The following RBM34 variants were observed in gnomAD, a reference collection of about 807,000 sequenced individuals.
The protein encoded by RBM34 is RNA binding motif protein 34, also known as RNA-binding protein 34.
Under a neutral mutation model 44.6 loss-of-function variants are expected in RBM34, and 39 were observed. The observed-to-expected ratio is 0.87, with a 90% CI of 0.68 to 1.14. The LOEUF (loss-of-function observed/expected upper bound fraction) is 1.14. Among genes scored for constraint, RBM34 ranks in the 50% most tolerant of loss-of-function variants. The pLI is 0.00. For synonymous variants in RBM34, 194 were observed against 184.0 expected (o/e 1.05, Z -0.44); for missense variants, 572 against 517.9 (o/e 1.10, Z -1.01).
intron 6 of RBM34, among the ~76,000 whole-genome samples, chr1:235,139,845 G>A (rs1661599705): frequency 1.3e-5 from 2 of 152,202 alleles, no homozygotes; most frequent in Non-Finnish European, 2.9e-5. Context: ...GCCGAGCACA[G>A]GGGCAAAATG....
chr1:235,159,093 G>A (rs974349732), intron 3 of RBM34, among the ~76,000 whole-genome samples: 2 of 151,688 alleles, frequency 1.3e-5, no homozygotes, highest in African/African-American at 2.4e-5. Context: ...CATGCCTATA[G>A]TCTAAGCAAC....
chr1:235,148,062 A>G (rs1419151493), intron 6 of RBM34, among the ~76,000 whole-genome samples: 1 of 152,150 alleles, frequency 6.6e-6, no homozygotes, highest in Non-Finnish European at 1.5e-5. Context: ...ACAAGCAAAC[A>G]TGAATTCTCT....
chr1:235,149,221 T>C (rs1478949052), intron 5 of RBM34, among the ~76,000 whole-genome samples: 1 of 151,664 alleles, frequency 6.6e-6, no homozygotes, highest in Non-Finnish European at 1.5e-5. Flanking sequence ...ACCCCATCTC[T>C]ACTAGAAATA....
chr1:235,160,561 T>C lies in RBM34; in HGVS notation c.315A>G (p.Lys105=). ...TAGTGTGTTTCTTCTTCGCTTTCAC[T>C]TTTTTGGCAGGTTCTTGCGAAAGTG... ...ERPLSQEPAK[K]VKAKKKHTNA... Residue 105 remains lysine, a synonymous_variant, in exon 3 of 11, where the codon AAA becomes AAG. Transcript: ENST00000408888. 1 of 1,614,058 alleles carries C rather than the reference T, an allele frequency of 6.2e-7. No individual in the cohort carries two copies. Among genetic ancestry groups the C allele is most frequent in the African/African-American group, 1.3e-5 (1 of 75,064 alleles).
At chr1:235,160,467 T>C (rs192613466) in intron 3 of RBM34, 44 bp downstream of exon 3, 6 of 1,565,404 alleles carry the variant, frequency 3.8e-6, no homozygotes, top group South Asian at 1.1e-5. Context: ...AATGTTAATT[T>C]ACCATCTAAT....
At position 235,137,909 on chromosome 1, in the gene RBM34, T is replaced by C; in HGVS notation, c.817A>G (p.Ile273Val). 6.2e-7 allele frequency: 1 copy of C among 1,604,844 alleles called. No individual in the cohort carries two copies. The highest frequency in any genetic ancestry group is 8.5e-7 in the Non-Finnish European group (1 of 1,173,216). ...GTCTCAGATGCGAGATCAACTCTAA[T>C]ACGAAATCCATCTGCAATCTGGGCC... ...NGAQIADGFR[I>V]RVDLASETSS... The change falls in exon 8 of 11, where the codon ATT becomes GTT. Residue 273 changes from isoleucine (I) to valine (V), a missense_variant. Physicochemically the swap from Ile to Val is conservative, Grantham distance 29. Transcript: ENST00000408888.
chr1:235,147,233 A>G (rs565631286), intron 6 of RBM34, among the ~76,000 whole-genome samples: 27 of 152,196 alleles, frequency 1.8e-4, no homozygotes, highest in Non-Finnish European at 1.5e-4. Context: ...CTTGTATGTT[A>G]AAAACACAAA....
At position 235,157,558 on chromosome 1, in the gene RBM34, T is replaced by TGGAGATCAGGAG. The variant is rs528120974; in HGVS notation, c.366-2458_366-2447dup. ...CAGGAGGCAAACAAACATACATGTC[T>TGGAGATCAGGAG]GGAGATCAGGAGAGAGATCACGGTG... On this transcript the variant is annotated intron_variant, in intron 3 of 10. Coordinates refer to ENST00000408888, the MANE Select transcript of RBM34 (RefSeq NM_015014.4). 7.3e-3 allele frequency among the ~76,000 whole-genome samples: 1,116 copies of TGGAGATCAGGAG among 151,988 alleles called. 11 individuals carry two copies. Among genetic ancestry groups the TGGAGATCAGGAG allele is most frequent in the Non-Finnish European group, 0.011 (766 of 67,962 alleles).
At chr1:235,137,623 G>T (rs964479709) in intron 8 of RBM34, among the ~76,000 whole-genome samples, 2 of 149,304 alleles carry the variant, frequency 1.3e-5, no homozygotes, top group African/African-American at 2.5e-5. Flanking sequence ...TGATCCTCCC[G>T]CCTTGGCCTC....
At chr1:235,145,425 C>T (rs1033209832) in intron 6 of RBM34, among the ~76,000 whole-genome samples, 7 of 151,856 alleles carry the variant, frequency 4.6e-5, no homozygotes, top group African/African-American at 1.5e-4. Flanking sequence ...TACAGGCGTG[C>T]ACCACCTTGC....
chr1:235,161,232 C>T lies in RBM34; in HGVS notation c.-6G>A, dbSNP rs760976105. 1.4e-5 allele frequency: 22 copies of T among 1,613,342 alleles called. No homozygotes were observed. The highest frequency in any genetic ancestry group is 1.7e-5 in the Non-Finnish European group (20 of 1,179,836). On this transcript the variant is annotated 5_prime_UTR_variant, in exon 1 of 11. Coordinates refer to ENST00000408888, the MANE Select transcript of RBM34 (RefSeq NM_015014.4). ...CTCATCCCTTCCAAGGCCATTCTTA[C>T]TCCAAAGACTCCCAGACTGCAGCTG... is the stretch of plus-strand genomic sequence containing the variant.
chr1:235,158,173 G>A (rs1263710362), intron 3 of RBM34, among the ~76,000 whole-genome samples: 2 of 151,970 alleles, frequency 1.3e-5, no homozygotes, highest in African/African-American at 4.8e-5. Flanking sequence ...CCAGCACTTT[G>A]GGAGGCCAAG....
intron 6 of RBM34, among the ~76,000 whole-genome samples, chr1:235,140,264 C>T (rs1311014593): frequency 6.6e-6 from 1 of 152,242 alleles, no homozygotes; most frequent in Non-Finnish European, 1.5e-5. Flanking sequence ...CCGGCTCCCT[C>T]AGCTTGCAGG....
chr1:235,137,754 T>C (rs1310726535), intron 8 of RBM34, 123 bp downstream of exon 8: 13 of 698,676 alleles, frequency 1.9e-5, no homozygotes, highest in East Asian at 5.5e-5. Flanking sequence ...ACAGAGGACA[T>C]AGGCTGTTTC....
intron 10 of RBM34, among the ~76,000 whole-genome samples, chr1:235,132,510 C>T (rs1188790050): frequency 3.3e-5 from 5 of 152,046 alleles, no homozygotes; most frequent in South Asian, 2.1e-4. Flanking sequence ...GGTTTCACCA[C>T]GTTAGCCAGA....
intron 6 of RBM34, 104 bp downstream of exon 6, chr1:235,148,299 CA>C (rs1441314598): frequency 6.3e-6 from 5 of 798,252 alleles, no homozygotes; most frequent in Non-Finnish European, 9.5e-6. Context: ...CTCTATTATC[CA>C]AATATATTAA....
chr1:235,144,232 A>G (rs1661806542), intron 6 of RBM34, among the ~76,000 whole-genome samples: 3 of 152,156 alleles, frequency 2.0e-5, no homozygotes, highest in Admixed American at 2.0e-4. Context: ...TGCTGAGCAA[A>G]TTAGACAAGA....
chr1:235,156,513 T>C (rs1662452556), intron 3 of RBM34: 2 of 372,280 alleles, frequency 5.4e-6, no homozygotes, highest in Non-Finnish European at 1.1e-5. Flanking sequence ...GCAGAGTACT[T>C]ACTCTGTACA....
chr1:235,151,369 T>A (rs1158033680), intron 5 of RBM34, among the ~76,000 whole-genome samples: 1 of 152,050 alleles, frequency 6.6e-6, no homozygotes, highest in African/African-American at 2.4e-5. Flanking sequence ...CACTAATGCA[T>A]CAGCCAAAGG....
Sources: allele counts gnomAD v4.1 joint callset (sites outside exome capture counted in the v4.1 genomes callset), GRCh38; gene constraint gnomAD v4.1.1; transcripts MANE v1.5; gene names NCBI Gene and HGNC (gene_info 2026-07-23, HGNC 2026-07-21).